ADGRL2: variants seen among roughly 807,000 people sequenced by gnomAD.
ADGRL2 encodes the protein adhesion G protein-coupled receptor L2.
In ADGRL2, 44 loss-of-function variants were observed where a neutral mutation model predicts 157.4. That is an observed-to-expected ratio of 0.28 (90% CI 0.22 to 0.36). The LOEUF is 0.36. ADGRL2 is among the 10% of genes least tolerant of loss of function. The pLI, the probability that ADGRL2 is intolerant of heterozygous loss-of-function variation, is 1.00. For missense variants in ADGRL2, 1,510 were observed against 1,768.9 expected, an observed-to-expected ratio of 0.85 and a Z score of 2.63; for synonymous variants, 585 against 624.7, an observed-to-expected ratio of 0.94 and a Z score of 0.95.
At chr1:81,815,496 A>G (rs1421918132) in intron 1 of ADGRL2, among the ~76,000 whole-genome samples, 1 of 151,920 alleles carries the variant, frequency 6.6e-6, no homozygotes, top group African/African-American at 2.4e-5. Flanking sequence ...GATAACAGCT[A>G]CAACACAGTA....
upstream of ADGRL2, among the ~76,000 whole-genome samples, chr1:81,699,051 GT>G (rs2083504326): frequency 6.6e-6 from 1 of 152,052 alleles, no homozygotes; most frequent in Non-Finnish European, 1.5e-5. Flanking sequence ...CATGTATTTG[GT>G]TTGCTATTAG....
rs142871385 is a variant in ADGRL2, at chr1:81,454,984, G to A, written c.-248+9895G>A. Among the ~76,000 whole-genome samples the A allele has an allele frequency of 9.4e-3, 1,427 of 152,264 alleles. 36 individuals are homozygous for A. Among genetic ancestry groups the A allele is most frequent in the Admixed American group, 0.057 (867 of 15,288 alleles). On this transcript the variant is annotated intron_variant, in intron 2 of 24. Coordinates refer to the ADGRL2 transcript ENST00000370721. ...ATTCAAGACCATAGGTGTAAGGCCA[G>A]CAAGCCCAAAGATCCGTTAGATGAC... is the stretch of plus-strand genomic sequence containing the variant.
intron 2 of ADGRL2, among the ~76,000 whole-genome samples, chr1:81,542,573 C>T (rs2079910412): frequency 6.6e-6 from 1 of 152,174 alleles, no homozygotes; most frequent in Non-Finnish European, 1.5e-5. Context: ...ATAATTTAAA[C>T]ATTTAGGCTC....
At chr1:81,677,709 C>T (rs755478361) in intron 3 of ADGRL2, among the ~76,000 whole-genome samples, 5 of 152,064 alleles carry the variant, frequency 3.3e-5, no homozygotes, top group Non-Finnish European at 7.4e-5. Flanking sequence ...AAATAATGAC[C>T]GTGTAATTCA....
chr1:81,336,327 A>C (rs1220161967), intron 1 of ADGRL2, among the ~76,000 whole-genome samples: 1 of 152,214 alleles, frequency 6.6e-6, no homozygotes, highest in Non-Finnish European at 1.5e-5. Context: ...AGAAAAGGGA[A>C]TGCTTCCACA....
intron 1 of ADGRL2, among the ~76,000 whole-genome samples, chr1:81,417,741 G>C (rs1439301817): frequency 2.0e-5 from 3 of 152,114 alleles, no homozygotes; most frequent in Non-Finnish European, 2.9e-5. Flanking sequence ...AGGTTGGTAG[G>C]TCATTTCTTT....
At chr1:81,429,845 C>T (rs757693799) in intron 1 of ADGRL2, among the ~76,000 whole-genome samples, 1 of 152,140 alleles carries the variant, frequency 6.6e-6, no homozygotes, top group Non-Finnish European at 1.5e-5. Context: ...AGCCCATGAC[C>T]TCATGAGCTT....
intron 1 of ADGRL2, among the ~76,000 whole-genome samples, chr1:81,336,650 G>A (rs546930753): frequency 6.6e-6 from 1 of 152,262 alleles, no homozygotes; most frequent in African/African-American, 2.4e-5. Context: ...CTCTGACTCA[G>A]CTGGGGTGTC....
At chr1:81,791,133 C>G (rs1327429103) in intron 2 of ADGRL2, among the ~76,000 whole-genome samples, 2 of 142,826 alleles carry the variant, frequency 1.4e-5, no homozygotes, top group Admixed American at 1.4e-4. Context: ...AGAGGAAGTT[C>G]TAAGTTCTAG....
chr1:81,381,482 G>T (rs776137318), intron 1 of ADGRL2, among the ~76,000 whole-genome samples: 7 of 152,060 alleles, frequency 4.6e-5, no homozygotes, highest in Non-Finnish European at 1.0e-4. Context: ...GGACAGAGGC[G>T]GGAAGGATCA....
At chr1:81,809,752 TCA>T (rs879654228) in intron 1 of ADGRL2, among the ~76,000 whole-genome samples, 227 of 152,154 alleles carry the variant, frequency 1.5e-3, no homozygotes, top group Non-Finnish European at 2.9e-3. Flanking sequence ...TCTGTATATA[TCA>T]ATACTTGTTG....
Position 81,956,054 on chromosome 1 carries a change from A to G in ADGRL2, c.2011A>G (p.Asn671Asp). 1 of 1,589,054 alleles carries G rather than the reference A, an allele frequency of 6.3e-7. No homozygotes were observed. The highest frequency in any genetic ancestry group is 1.4e-5 in the African/African-American group (1 of 73,710). The change falls in exon 11 of 24, where the codon AAT becomes GAT. Residue 671 changes from asparagine to aspartate, a missense_variant. By Grantham distance (23) the Asn-to-Asp change is conservative. Transcript: ENST00000686636. ...EPTRVSMPTE[N>D]IVLEVAVLST... The stretch of plus-strand genomic sequence containing the variant: ...AACAAGGGTCTCAATGCCCACAGAA[A>G]ATATTGGTAAGTGAATCTACTGTCA...
intron 2 of ADGRL2, among the ~76,000 whole-genome samples, chr1:81,854,074 A>T (rs1308779850): frequency 6.6e-6 from 1 of 152,168 alleles, no homozygotes; most frequent in East Asian, 1.9e-4. Context: ...TTTTCTTAAT[A>T]AATTTTCCAA....
intron 3 of ADGRL2, among the ~76,000 whole-genome samples, chr1:81,592,352 G>A (rs934806106): frequency 2.6e-5 from 4 of 152,190 alleles, no homozygotes; most frequent in Admixed American, 6.5e-5. Context: ...AATGTGTTCC[G>A]ATAAAATGTT....
Position 81,848,234 on chromosome 1 carries a change from C to T in ADGRL2, c.73+11177C>T, listed in dbSNP as rs190685938. ...TTAGACTCTTCAGGCTCTTAAACCA[C>T]TCAAAAGTAAGTTAGTAGCAAATTT... On this transcript the variant is annotated intron_variant, in intron 2 of 23. Coordinates refer to ENST00000686636, the MANE Select transcript of ADGRL2 (RefSeq NM_001366006.2). 3.9e-5 allele frequency among the ~76,000 whole-genome samples: 6 copies of T among 151,944 alleles called. No homozygotes were observed. The East Asian group carries it at 9.7e-4, about 24-fold the overall frequency.
At chr1:81,646,668 A>C (rs2082321344) in intron 3 of ADGRL2, among the ~76,000 whole-genome samples, 1 of 152,310 alleles carries the variant, frequency 6.6e-6, no homozygotes, top group African/African-American at 2.4e-5. Flanking sequence ...TATGTGTGGA[A>C]TCAGACATCT....
intron 1 of ADGRL2, among the ~76,000 whole-genome samples, chr1:81,395,112 T>C (rs1184256043): frequency 2.0e-5 from 3 of 152,094 alleles, no homozygotes; most frequent in Non-Finnish European, 2.9e-5. Flanking sequence ...GTATTCACCA[T>C]GTTGGCCAGG....
chr1:81,512,380 G>A (rs1210576869), intron 2 of ADGRL2, among the ~76,000 whole-genome samples: 1 of 152,138 alleles, frequency 6.6e-6, no homozygotes, highest in Non-Finnish European at 1.5e-5. Context: ...ATATAATTGT[G>A]GTATGGATTC....
At chr1:81,384,105 CA>C (rs1346585006) in intron 1 of ADGRL2, among the ~76,000 whole-genome samples, 1 of 152,030 alleles carries the variant, frequency 6.6e-6, no homozygotes, top group Non-Finnish European at 1.5e-5. Context: ...TGTAGATGTG[CA>C]AAGATATATG....
Sources: gnomAD v4.1 joint callset for allele counts (sites outside exome capture counted in the v4.1 genomes callset) on GRCh38, gnomAD v4.1.1 for gene constraint, MANE v1.5 for transcripts, NCBI Gene and HGNC (gene_info 2026-07-23, HGNC 2026-07-21) for gene names.